WWC2: variants seen among roughly 807,000 people sequenced by gnomAD.
WWC2 encodes WW and C2 domain containing 2.
In WWC2, 101 loss-of-function variants were observed where a neutral mutation model predicts 138.5. That is an observed-to-expected ratio of 0.73 (90% CI 0.62 to 0.86). WWC2 has a LOEUF of 0.86. WWC2 is among the 40% of genes least tolerant of loss of function. The pLI, the probability that WWC2 is intolerant of heterozygous loss-of-function variation, is 0.00. For synonymous variants in WWC2, 558 were observed against 538.4 expected, an observed-to-expected ratio of 1.04 and a Z score of -0.50; for missense variants, 1,420 against 1,419.4, an observed-to-expected ratio of 1.00 and a Z score of -0.01.
intron 1 of WWC2, among the ~76,000 whole-genome samples, chr4:183,165,168 A>T (rs573380002): frequency 7.2e-5 from 11 of 152,250 alleles, no homozygotes; most frequent in African/African-American, 2.2e-4. Flanking sequence ...AGGGTAGGAC[A>T]GGGAGTACGG....
intron 1 of WWC2, among the ~76,000 whole-genome samples, chr4:183,135,205 G>C (rs181141513): frequency 6.6e-6 from 1 of 151,984 alleles, no homozygotes; most frequent in Non-Finnish European, 1.5e-5. Context: ...CGGAGTGAGC[G>C]ACCCCGCCTG....
intron 10 of WWC2, 113 bp downstream of exon 10, chr4:183,259,841 A>G: frequency 1.3e-6 from 1 of 788,224 alleles, no homozygotes; most frequent in Non-Finnish European, 2.1e-6. Flanking sequence ...TCATTATAGT[A>G]GCACAGTTAC....
chr4:183,150,866 A>G (rs1368628229), intron 1 of WWC2, among the ~76,000 whole-genome samples: 2 of 152,088 alleles, frequency 1.3e-5, no homozygotes, highest in Non-Finnish European at 2.9e-5. Context: ...AAGGACACGA[A>G]CTCATCCTTT....
intron 1 of WWC2, among the ~76,000 whole-genome samples, chr4:183,118,061 G>T (rs898106479): frequency 1.3e-5 from 2 of 152,190 alleles, no homozygotes; most frequent in Non-Finnish European, 1.5e-5. Flanking sequence ...GCCTCCCAAA[G>T]TGCTGGGATT....
chr4:183,147,764 AT>A (rs1469471317), intron 1 of WWC2, among the ~76,000 whole-genome samples: 8 of 152,338 alleles, frequency 5.3e-5, no homozygotes, highest in Admixed American at 3.3e-4. Context: ...TGTCTGCATT[AT>A]TTAAGTTCTG....
At chr4:183,284,839 G>A (rs1045941846) in intron 19 of WWC2, among the ~76,000 whole-genome samples, 17 of 152,106 alleles carry the variant, frequency 1.1e-4, no homozygotes, top group African/African-American at 3.6e-4. Context: ...TATAAACACT[G>A]AATCACATCC....
At chr4:183,211,789 T>C (rs1460047557) in intron 4 of WWC2, among the ~76,000 whole-genome samples, 2 of 152,068 alleles carry the variant, frequency 1.3e-5, no homozygotes, top group Non-Finnish European at 2.9e-5. Flanking sequence ...AACAGTGCGA[T>C]GTTTGGATTA....
At chr4:183,236,846 G>C (rs1477993997) in intron 4 of WWC2, among the ~76,000 whole-genome samples, 1 of 152,160 alleles carries the variant, frequency 6.6e-6, no homozygotes, top group Non-Finnish European at 1.5e-5. Context: ...ACTTGGGGTA[G>C]TATGGACATT....
intron 9 of WWC2, among the ~76,000 whole-genome samples, chr4:183,256,698 C>T (rs1737152949): frequency 1.3e-5 from 2 of 152,162 alleles, no homozygotes; most frequent in African/African-American, 4.8e-5. Context: ...TCCTTTTCTT[C>T]TTGGTACCTA....
intron 1 of WWC2, among the ~76,000 whole-genome samples, chr4:183,174,343 G>A (rs1416794741): frequency 6.6e-6 from 1 of 152,174 alleles, no homozygotes; most frequent in Non-Finnish European, 1.5e-5. Context: ...GAAGTCTGTG[G>A]TGCTGGAATT....
intron 4 of WWC2, among the ~76,000 whole-genome samples, chr4:183,225,142 A>G (rs1442235324): frequency 6.6e-6 from 1 of 152,224 alleles, no homozygotes; most frequent in African/African-American, 2.4e-5. Flanking sequence ...TTTACAGACC[A>G]TGCTCTATAT....
At chr4:183,150,676 C>T (rs1413755676) in intron 1 of WWC2, among the ~76,000 whole-genome samples, 6 of 152,084 alleles carry the variant, frequency 3.9e-5, no homozygotes, top group Non-Finnish European at 8.8e-5. Context: ...CTATCCCTCC[C>T]CCATCTCCCC....
chr4:183,190,507 A>G (rs143195064), intron 1 of WWC2, among the ~76,000 whole-genome samples: 13 of 152,276 alleles, frequency 8.5e-5, no homozygotes, highest in African/African-American at 2.2e-4. Context: ...TATAATTTGC[A>G]TAAGAATTCA....
intron 1 of WWC2, among the ~76,000 whole-genome samples, 174 bp downstream of exon 1, chr4:183,099,796 C>T (rs2152884857): frequency 6.6e-6 from 1 of 151,994 alleles, no homozygotes; most frequent in East Asian, 2.0e-4. Flanking sequence ...ACCCGGGCTC[C>T]TCCGCCCACC....
At chr4:183,295,208 C>T (rs1738595349) in intron 21 of WWC2, among the ~76,000 whole-genome samples, 1 of 152,212 alleles carries the variant, frequency 6.6e-6, no homozygotes, top group African/African-American at 2.4e-5. Flanking sequence ...AGTGTAAACT[C>T]CCTAGGGAAG....
chr4:183,167,026 C>T (rs181048832), intron 1 of WWC2, among the ~76,000 whole-genome samples: 21 of 152,168 alleles, frequency 1.4e-4, no homozygotes, highest in Non-Finnish European at 2.2e-4. Context: ...GCCTGTATGA[C>T]GTCATATATG....
chr4:183,152,896 A>T (rs555542307), intron 1 of WWC2, among the ~76,000 whole-genome samples: 3 of 152,136 alleles, frequency 2.0e-5, no homozygotes, highest in African/African-American at 7.2e-5. Context: ...AAAAAATAAA[A>T]AATAAATAAA....
intron 11 of WWC2, among the ~76,000 whole-genome samples, chr4:183,263,767 A>T (rs1737409343): frequency 6.6e-6 from 1 of 152,188 alleles, no homozygotes; most frequent in African/African-American, 2.4e-5. Context: ...TCTCAAAAAA[A>T]GGAAAGATGA....
chr4:183,246,026 C>T (rs959662761), intron 6 of WWC2, among the ~76,000 whole-genome samples: 7 of 152,214 alleles, frequency 4.6e-5, no homozygotes, highest in East Asian at 1.9e-4. Flanking sequence ...AAGGGTGGGG[C>T]GGGGAGTGCT....
Sources: gnomAD v4.1 joint callset for allele counts (sites outside exome capture counted in the v4.1 genomes callset) on GRCh38, gnomAD v4.1.1 for gene constraint, MANE v1.5 for transcripts, NCBI Gene and HGNC (gene_info 2026-07-23, HGNC 2026-07-21) for gene names.